KCP: variants seen among roughly 807,000 people sequenced by gnomAD.
KCP encodes the protein kielin/chordin-like protein.
A neutral mutation model predicts 212.7 loss-of-function variants in KCP; 194 were observed. That is an observed-to-expected ratio of 0.91 (90% CI 0.81 to 1.03). The LOEUF (loss-of-function observed/expected upper bound fraction) is 1.03. Ranked by LOEUF, KCP falls within the 50% of genes least tolerant of loss-of-function variation. The pLI is 0.00. For missense variants in KCP, 2,080 were observed against 2,162.5 expected (o/e 0.96, Z 0.76); for synonymous variants, 833 against 865.3 (o/e 0.96, Z 0.65).
chr7:128,884,533 G>C (rs562518661), intron 28 of KCP, among the ~76,000 whole-genome samples: 2 of 152,104 alleles, frequency 1.3e-5, no homozygotes, highest in African/African-American at 2.4e-5. Context: ...ATACACACCC[G>C]CCCTGCACTG....
Position 128,891,485 on chromosome 7 carries a change from T to G in KCP, c.1844A>C (p.His615Pro). 1 of 1,549,332 alleles carries G rather than the reference T, an allele frequency of 6.5e-7. No homozygotes were observed. The highest frequency in any genetic ancestry group is 8.7e-7 in the Non-Finnish European group (1 of 1,146,582). Residue 615 changes from histidine (H) to proline (P), a missense_variant, in exon 18 of 40, where the codon CAC becomes CCC. Coordinates refer to ENST00000610776, the MANE Select transcript of KCP (RefSeq NM_001366122.1). Reference protein sequence around the residue: ...KEYPSGADFPHPSDPCRLCRC... With the variant: ...KEYPSGADFPPPSDPCRLCRC... ...ACACAGACGGCAGGGGTCAGAGGGG[T>G]GGGGGAAGTCCGCTCCGCTGGGGTA... is the stretch of plus-strand genomic sequence containing the variant.
At position 128,881,942 on chromosome 7, in the gene KCP, A is replaced by G. The variant is rs1354697262; in HGVS notation, c.3319T>C (p.Cys1107Arg). The G allele has an allele frequency of 6.4e-7, 1 of 1,551,282 alleles. No homozygotes were observed. Among genetic ancestry groups the G allele is most frequent in the Non-Finnish European group, 8.7e-7 (1 of 1,146,924 alleles). ...APPDPCYTCQCQDLTWLCIHQ... is the reference protein window; with the variant it reads ...APPDPCYTCQRQDLTWLCIHQ... ...CCCAAGGCAGGAGGGCTCACCTGGCACTGGCACGTGTAGCAGGGGTCTGGT... is the reference window on the plus strand; with the variant it reads ...CCCAAGGCAGGAGGGCTCACCTGGCGCTGGCACGTGTAGCAGGGGTCTGGT... The change falls in exon 30 of 40, where the codon TGC becomes CGC. Residue 1107 changes from cysteine to arginine, a missense_variant. Cys to Arg is a radical substitution (Grantham distance 180). Coordinates refer to ENST00000610776, the MANE Select transcript of KCP (RefSeq NM_001366122.1).
Position 128,878,654 on chromosome 7 carries a change from C to A in KCP, c.4215G>T (p.Gly1405=). 6.4e-7 allele frequency: 1 copy of A among 1,551,354 alleles called. No individual in the cohort carries two copies. The highest frequency in any genetic ancestry group is 8.7e-7 in the Non-Finnish European group (1 of 1,146,990). ...VPGSYQGRTC[G]LCGNFNGFAQ... ...CAAAGCCATTGAAGTTCCCACAGAG[C>A]CCACAAGTCCGGCCCTGGTAGGAGC... Residue 1405 remains glycine (G), a synonymous_variant, in exon 38 of 40, where the codon GGG becomes GGT. Transcript: ENST00000610776.
rs1794263333 is a variant in KCP, at chr7:128,892,943, C to T, written c.1346G>A (p.Cys449Tyr). Residue 449 changes from cysteine (C) to tyrosine (Y), a missense_variant, in exon 14 of 40, where the codon TGT (cysteine) becomes TAT (tyrosine). Transcript: ENST00000610776. ...PDGRPCTACV[C>Y]QDGVPKCGAV... ...CCCGCACTTGGGTACCCCATCTTGA[C>T]AGACGCAGGCGGTGCAGGGCCGACC... The T allele has an allele frequency of 1.4e-6, 2 of 1,431,472 alleles. No individual in the cohort carries two copies. Among genetic ancestry groups the T allele is most frequent in the Non-Finnish European group, 1.9e-6 (2 of 1,037,554 alleles). 88.7% of individuals were successfully genotyped at this position (1,431,472 alleles called of 1,614,324 possible). A position where few individuals can be genotyped will look rare whatever the true frequency, so the allele number is the denominator to read the frequency against.
chr7:128,894,905 G>A (rs909982057), intron 8 of KCP, among the ~76,000 whole-genome samples: 1 of 152,134 alleles, frequency 6.6e-6, no homozygotes, highest in Non-Finnish European at 1.5e-5. Context: ...ACTGTTCCAG[G>A]CAATATCCTT....
intron 22 of KCP, 77 bp from the exon 23 acceptor site, chr7:128,887,377 C>T (rs1793721748): frequency 8.2e-6 from 9 of 1,099,704 alleles, no homozygotes; most frequent in Non-Finnish European, 4.1e-6. Context: ...CAGCCCCTCC[C>T]CCTCCACACA....
rs1793211750 is a variant in KCP at position 128,879,847 on chromosome 7, C to T, written c.3933-18G>A. 6.4e-7 allele frequency: 1 copy of T among 1,550,956 alleles called. No individual in the cohort carries two copies. The highest frequency in any genetic ancestry group is 8.7e-7 in the Non-Finnish European group (1 of 1,146,964). On this transcript the variant is annotated intron_variant, in intron 35 of 39. Coordinates refer to ENST00000610776, the MANE Select transcript of KCP (RefSeq NM_001366122.1). ...CGTGCACACTGTGGGCAGGAAAGTCCCAGGTGCCAATGGTCAGCAGGGCTG... is the reference window on the plus strand; with the variant it reads ...CGTGCACACTGTGGGCAGGAAAGTCTCAGGTGCCAATGGTCAGCAGGGCTG...
chr7:128,902,711 A>G (rs1794920534), intron 8 of KCP, 66 bp downstream of exon 8: 1 of 1,394,734 alleles, frequency 7.2e-7, no homozygotes, highest in Non-Finnish European at 9.9e-7. Context: ...CCATAGAATG[A>G]GCAAATGAAT....
At position 128,877,502 on chromosome 7, in the gene KCP, G is replaced by A. The variant is rs370254255; in HGVS notation, c.4600C>T (p.Arg1534Ter). 10 of 1,551,164 alleles carry A rather than the reference G, an allele frequency of 6.4e-6. No homozygotes were observed. Among genetic ancestry groups the A allele is most frequent in the Non-Finnish European group, 8.7e-6 (10 of 1,146,940 alleles). ...CRQAGVTPTW[R>*]GPTLCVVGCP... ...CCCTCACCACACAGCGTGGGGCCTCGCCAGGTAGGTGTCACTCCTGCCTGG... is the reference window on the plus strand; with the variant it reads ...CCCTCACCACACAGCGTGGGGCCTCACCAGGTAGGTGTCACTCCTGCCTGG... Residue 1534 changes from arginine (R) to a stop codon, truncating the protein, a stop_gained, in exon 39 of 40, where the codon CGA (arginine) becomes TGA (stop). Coordinates refer to ENST00000610776, the MANE Select transcript of KCP (RefSeq NM_001366122.1). LOFTEE classifies it high-confidence loss of function.
Position 128,892,622 on chromosome 7 carries a change from G to C in KCP, c.1528-15C>G. On this transcript the variant is annotated splice_polypyrimidine_tract_variant and intron_variant, in intron 15 of 39. Transcript: ENST00000610776. ...ACAGTTCCATCCTGCGAGAGAGCAG[G>C]GGAGAGAGCAATCGGGGCATGCCCA... 6.4e-7 allele frequency: 1 copy of C among 1,551,226 alleles called. No individual in the cohort carries two copies. The highest frequency in any genetic ancestry group is 8.7e-7 in the Non-Finnish European group (1 of 1,146,556).
Position 128,878,604 on chromosome 7 carries a change from T to A in KCP, c.4265A>T (p.Glu1422Val). 4 of 1,551,466 alleles carry A rather than the reference T, an allele frequency of 2.6e-6. No homozygotes were observed. Among genetic ancestry groups the A allele is most frequent in the Non-Finnish European group, 3.5e-6 (4 of 1,146,982 alleles). The stretch of plus-strand genomic sequence containing the variant: ...AGCCTCCGAGGGCAGGAGCAGCCCC[T>A]CAGGGCCCTGCAGATCGTCCTGGGC... ...GFAQDDLQGP[E>V]GLLLPSEAAF... The change falls in exon 38 of 40, where the codon GAG (glutamate) becomes GTG (valine). Residue 1422 changes from glutamate to valine, a missense_variant. Coordinates refer to ENST00000610776, the MANE Select transcript of KCP (RefSeq NM_001366122.1).
In KCP at chr7:128,906,293, G is replaced by A. The variant is rs56723506; in HGVS notation, c.557C>T (p.Pro186Leu). Reference sequence around the variant, plus strand: ...AGGAGGCTGACCTGGCTTACAGTGCGGGCAGCATGCTCCTGGCTCAGGGCA... The same window carrying A: ...AGGAGGCTGACCTGGCTTACAGTGCAGGCAGCATGCTCCTGGCTCAGGGCA... ...GPCPEPGACC[P>L]HCKPGCDYEG... Residue 186 changes from proline to leucine, a missense_variant, in exon 5 of 40, where the codon CCG becomes CTG. Physicochemically the swap from Pro to Leu is moderately conservative, Grantham distance 98. Transcript: ENST00000610776. The A allele has an allele frequency of 6.4e-5, 100 of 1,550,950 alleles. No homozygotes were observed. The highest frequency in any genetic ancestry group is 4.8e-4 in the African/African-American group (35 of 73,132).
Position 128,877,703 on chromosome 7 carries a change from C to G in KCP, c.4399G>C (p.Glu1467Gln). Residue 1467 changes from glutamate (E) to glutamine (Q), a missense_variant, in exon 39 of 40, where the codon GAG (glutamate) becomes CAG (glutamine). Coordinates refer to ENST00000610776, the MANE Select transcript of KCP (RefSeq NM_001366122.1). ...CRAAGYRARREANARCGVLKS... is the reference protein window; with the variant it reads ...CRAAGYRARRQANARCGVLKS... The stretch of plus-strand genomic sequence containing the variant: ...AGCACCCCACACCGGGCATTGGCCT[C>G]ACGCCTGGCACGGTAACCTGCTGCC... 6.4e-7 allele frequency: 1 copy of G among 1,551,264 alleles called. No individual in the cohort carries two copies. The highest frequency in any genetic ancestry group is 1.4e-5 in the African/African-American group (1 of 73,184).
chr7:128,904,432 T>TTC (rs948397422), intron 5 of KCP: 4 of 1,319,726 alleles, frequency 3.0e-6, no homozygotes, highest in Admixed American at 4.0e-5. Context: ...TCCTCCCTCT[T>TTC]TCTCTCTCTC....
At chr7:128,907,509 G>T in intron 2 of KCP, 56 bp from the exon 3 acceptor site, 1 of 1,221,790 alleles carries the variant, frequency 8.2e-7, no homozygotes, top group Non-Finnish European at 1.1e-6. Flanking sequence ...ACCATCTCCA[G>T]TAGAGATGAG....
At chr7:128,884,977 A>C in intron 27 of KCP, 114 bp from the exon 28 acceptor site, 2 of 1,493,850 alleles carry the variant, frequency 1.3e-6, no homozygotes, top group South Asian at 2.4e-5. Flanking sequence ...TGGAGTGTGC[A>C]CAAGGACGGA....
intron 8 of KCP, among the ~76,000 whole-genome samples, chr7:128,895,863 T>A (rs1794487674): frequency 6.6e-6 from 1 of 152,210 alleles, no homozygotes; most frequent in East Asian, 1.9e-4. Context: ...TAGCATATCA[T>A]CAATAAATAA....
At chr7:128,895,840 T>C (rs567330138) in intron 8 of KCP, among the ~76,000 whole-genome samples, 1 of 152,278 alleles carries the variant, frequency 6.6e-6, no homozygotes, top group African/African-American at 2.4e-5. Flanking sequence ...TCATGAATAA[T>C]CCACCCCTTG....
Position 128,894,067 on chromosome 7 carries a change from G to C in KCP, c.926-12C>G. ...GTTTAGGAAACAGCCTGTTGGGAAGGGGGGCCTTAGATGTTCCTCAGGGGC... is the reference window on the plus strand; with the variant it reads ...GTTTAGGAAACAGCCTGTTGGGAAGCGGGGCCTTAGATGTTCCTCAGGGGC... On this transcript the variant is annotated splice_polypyrimidine_tract_variant and intron_variant, in intron 9 of 39. Coordinates refer to ENST00000610776, the MANE Select transcript of KCP (RefSeq NM_001366122.1). 1 of 1,547,806 alleles carries C rather than the reference G, an allele frequency of 6.5e-7. No individual in the cohort carries two copies. Among genetic ancestry groups the C allele is most frequent in the Non-Finnish European group, 8.7e-7 (1 of 1,145,162 alleles).
Sources: allele counts gnomAD v4.1 joint callset (sites outside exome capture counted in the v4.1 genomes callset), GRCh38; gene constraint gnomAD v4.1.1; transcripts MANE v1.5; gene names NCBI Gene and HGNC (gene_info 2026-07-23, HGNC 2026-07-21).